The following ORC3 variants were observed in gnomAD, a reference collection of about 807,000 sequenced individuals.
ORC3 encodes the protein origin recognition complex subunit 3.
ORC3 carries 78 observed loss-of-function variants against 100.7 expected under a neutral mutation model. The observed-to-expected ratio is 0.77, with a 90% confidence interval of 0.65 to 0.94. ORC3 has a LOEUF of 0.94. Ranked by LOEUF, ORC3 falls within the 40% of genes least tolerant of loss-of-function variation. ORC3 has a pLI of 0.00. For missense variants in ORC3, 789 were observed against 823.9 expected (o/e 0.96, Z 0.52); for synonymous variants, 295 against 289.3 (o/e 1.02, Z -0.20).
intron 5 of ORC3, among the ~76,000 whole-genome samples, chr6:87,606,361 G>C (rs1203656451): frequency 6.6e-6 from 1 of 152,080 alleles, no homozygotes; most frequent in Non-Finnish European, 1.5e-5. Flanking sequence ...AGGAGCTCTT[G>C]TCAGCTCAAA....
rs564782303 is a variant in ORC3, at chr6:87,660,758, A to G, written c.1692-2245A>G. Among the ~76,000 whole-genome samples the G allele has an allele frequency of 1.9e-3, 290 of 152,330 alleles. 3 individuals carry two copies. The highest frequency in any genetic ancestry group is 2.6e-3 in the Non-Finnish European group (180 of 68,020). ...CCACCTCTTTCAGGGAAGGCCTATC[A>G]TTTGTCTGGTCTGAATCCAAAATGA... On this transcript the variant is annotated intron_variant, in intron 16 of 19. Transcript: ENST00000392844.
the ORC3 span, among the ~76,000 whole-genome samples, chr6:87,673,716 C>T: frequency 3.3e-5 from 5 of 151,774 alleles, no homozygotes; most frequent in South Asian, 4.2e-4. Context: ...TGGTGCATGC[C>T]GGTAGTCCCA....
chr6:87,616,593 A>C (rs926461310), intron 9 of ORC3, among the ~76,000 whole-genome samples, 166 bp downstream of exon 9: 2 of 152,216 alleles, frequency 1.3e-5, no homozygotes, highest in African/African-American at 4.8e-5. Context: ...ACCTTGCAGC[A>C]AACTGTAGAG....
the ORC3 span, chr6:87,677,757 C>T: frequency 8.4e-6 from 13 of 1,538,896 alleles, no homozygotes; most frequent in Admixed American, 1.8e-5. Flanking sequence ...TTAAAGTACA[C>T]GTGGAAAATG....
intron 8 of ORC3, among the ~76,000 whole-genome samples, chr6:87,612,833 C>G (rs912246826): frequency 6.6e-6 from 1 of 152,174 alleles, no homozygotes; most frequent in African/African-American, 2.4e-5. Context: ...GTCTGGAACT[C>G]CTGACCTCAA....
chr6:87,591,605 A>G (rs566075217), intron 1 of ORC3, among the ~76,000 whole-genome samples: 1 of 152,362 alleles, frequency 6.6e-6, no homozygotes, highest in East Asian at 1.9e-4. Context: ...TCTTGCAGAA[A>G]GTAAGATTTT....
At chr6:87,634,177 C>T (rs1319922598) in intron 11 of ORC3, among the ~76,000 whole-genome samples, 1 of 152,144 alleles carries the variant, frequency 6.6e-6, no homozygotes, top group Non-Finnish European at 1.5e-5. Flanking sequence ...CTCATGTCAT[C>T]ATCCTTGCTA....
At position 87,594,619 on chromosome 6, in the gene ORC3, T is replaced by C. The variant is rs1392213412; in HGVS notation, c.79+212T>C. ...TCCAATTACACCTTCCAAAGGTAAG[T>C]TGGAAGCAAATTTCCTTCAAAGGAT... On this transcript the variant is annotated intron_variant, in intron 2 of 19. Transcript: ENST00000392844. The C allele has an allele frequency of 5.8e-6, 7 of 1,200,232 alleles. No individual in the cohort carries two copies. In the Admixed American group the frequency reaches 1.6e-4, roughly 27 times the overall value. The allele number at this position is 1,200,232 out of a possible 1,614,324, so 74.3% of individuals were successfully genotyped here. A position where few individuals can be genotyped will look rare whatever the true frequency, so the allele number is the denominator to read the frequency against.
At chr6:87,663,403 A>C (rs1770357494) in intron 17 of ORC3, among the ~76,000 whole-genome samples, 1 of 152,256 alleles carries the variant, frequency 6.6e-6, no homozygotes, top group African/African-American at 2.4e-5. Context: ...AAGTCAGATC[A>C]TAGGCACAAA....
At chr6:87,659,884 G>GA (rs978425894) in intron 16 of ORC3, among the ~76,000 whole-genome samples, 195 of 136,326 alleles carry the variant, frequency 1.4e-3, no homozygotes, top group Admixed American at 2.0e-3. Flanking sequence ...TCCATCTCGA[G>GA]AAAAAAAAAA....
chr6:87,602,023 A>G, intron 3 of ORC3, 142 bp downstream of exon 3: 2 of 593,904 alleles, frequency 3.4e-6, no homozygotes, highest in Non-Finnish European at 6.1e-6. Flanking sequence ...CCTTAAAAAA[A>G]CAACCATAAT....
chr6:87,660,507 T>C (rs76417316), intron 16 of ORC3, among the ~76,000 whole-genome samples: 3,468 of 152,304 alleles, frequency 0.023, 125 homozygotes, highest in African/African-American at 0.078. Flanking sequence ...CTTGGAGTTA[T>C]GGAGAAAGGA....
At chr6:87,629,305 C>T (rs1780139507) in intron 11 of ORC3, among the ~76,000 whole-genome samples, 2 of 152,248 alleles carry the variant, frequency 1.3e-5, no homozygotes, top group Non-Finnish European at 2.9e-5. Flanking sequence ...AAAGAAATTA[C>T]AGAAGTTTAT....
intron 7 of ORC3, among the ~76,000 whole-genome samples, chr6:87,611,539 C>T (rs971267247): frequency 1.3e-4 from 20 of 152,116 alleles, no homozygotes; most frequent in Admixed American, 5.9e-4. Flanking sequence ...GTAATCCCAG[C>T]ACTTTGGGAG....
At chr6:87,647,636 C>T (rs1268422435) in intron 13 of ORC3, among the ~76,000 whole-genome samples, 2 of 152,270 alleles carry the variant, frequency 1.3e-5, no homozygotes, top group African/African-American at 2.4e-5. Context: ...ATGTAAGTTC[C>T]GTGAGGACAG....
intron 12 of ORC3, among the ~76,000 whole-genome samples, chr6:87,635,713 C>G (rs1767764915): frequency 6.6e-6 from 1 of 151,758 alleles, no homozygotes; most frequent in South Asian, 2.1e-4. Context: ...AGGAGGATGG[C>G]TTGAACCTGG....
intron 2 of ORC3, among the ~76,000 whole-genome samples, chr6:87,599,645 C>T (rs1001786770): frequency 1.3e-5 from 2 of 151,196 alleles, no homozygotes; most frequent in Admixed American, 6.6e-5. Flanking sequence ...GGATTACAGG[C>T]ATGTGCCACC....
At chr6:87,612,321 G>C in intron 8 of ORC3, 73 bp downstream of exon 8, 2 of 1,003,414 alleles carry the variant, frequency 2.0e-6, no homozygotes, top group Non-Finnish European at 2.9e-6. Flanking sequence ...TAAGATAACT[G>C]TTAACAATAA....
intron 4 of ORC3, 54 bp downstream of exon 4, chr6:87,603,582 AT>A (rs1169963672): frequency 4.3e-4 from 506 of 1,179,284 alleles, no homozygotes; most frequent in South Asian, 7.8e-4. Context: ...TCGTTTTTAA[AT>A]TTTTTTTTAT....
Sources: gnomAD v4.1 joint callset for allele counts (sites outside exome capture counted in the v4.1 genomes callset) on GRCh38, gnomAD v4.1.1 for gene constraint, MANE v1.5 for transcripts, NCBI Gene and HGNC (gene_info 2026-07-23, HGNC 2026-07-21) for gene names.